The following RGS6 variants were observed in gnomAD, a reference collection of about 807,000 sequenced individuals.
RGS6 encodes regulator of G-protein signaling 6.
RGS6 carries 30 observed loss-of-function variants against 78.5 expected under a neutral mutation model. The observed-to-expected ratio is 0.38, with a 90% confidence interval of 0.29 to 0.52. The LOEUF (loss-of-function observed/expected upper bound fraction) is 0.52, where lower values mean the gene tolerates loss of function less well. Ranked by LOEUF, RGS6 falls within the 20% of genes least tolerant of loss-of-function variation. The pLI is 0.85. For synonymous variants in RGS6, 206 were observed against 206.0 expected (o/e 1.00, Z 0.00); for missense variants, 495 against 609.7 (o/e 0.81, Z 1.98).
At chr14:72,424,329 A>G (rs1424550619) in intron 3 of RGS6, among the ~76,000 whole-genome samples, 5 of 152,226 alleles carry the variant, frequency 3.3e-5, no homozygotes, top group Non-Finnish European at 7.3e-5. Context: ...TCACTTAAAA[A>G]GAAAAATGCA....
At chr14:72,550,562 G>T (rs1430371028) in intron 17 of RGS6, 1 of 1,535,446 alleles carries the variant, frequency 6.5e-7, no homozygotes, top group Non-Finnish European at 8.7e-7. Context: ...ACCCAACCTT[G>T]TAATCTTCTG....
intron 2 of RGS6, among the ~76,000 whole-genome samples, chr14:72,089,994 C>T: frequency 6.6e-6 from 1 of 151,234 alleles, no homozygotes; most frequent in East Asian, 2.0e-4. Flanking sequence ...CGTTGTAAGA[C>T]ATCAGGTAAA....
Position 72,320,465 on chromosome 14 carries a change from C to T in RGS6, c.85-31630C>T, listed in dbSNP as rs535300872. ...TGGTGGCGGGCACCTGTAGTCCCAG[C>T]TACTTGGGAGGCTGAGGCAGGAGAA... On this transcript the variant is annotated intron_variant, in intron 2 of 17. Coordinates refer to ENST00000553525, the MANE Select transcript of RGS6 (RefSeq NM_001204424.2). Among the ~76,000 whole-genome samples, 120 of 152,120 alleles carry T rather than the reference C, an allele frequency of 7.9e-4. 1 individual carries two copies. Among genetic ancestry groups the T allele is most frequent in the African/African-American group, 2.7e-3 (113 of 41,512 alleles).
At chr14:72,156,450 T>A (rs1246752377) in intron 2 of RGS6, among the ~76,000 whole-genome samples, 4 of 39,980 alleles carry the variant, frequency 1.0e-4, no homozygotes, top group East Asian at 5.4e-4. Context: ...TGAGACTCCA[T>A]CTCAAAAAAA....
chr14:72,400,803 C>G (rs1248050646), intron 3 of RGS6, among the ~76,000 whole-genome samples: 2 of 152,208 alleles, frequency 1.3e-5, no homozygotes, highest in African/African-American at 4.8e-5. Flanking sequence ...ACCTTCTTAT[C>G]TCTGATCCTC....
chr14:71,875,478 ATC>A, the RGS6 span, among the ~76,000 whole-genome samples: 1 of 152,132 alleles, frequency 6.6e-6, no homozygotes, highest in Non-Finnish European at 1.5e-5. Flanking sequence ...TTTCTGTGGG[ATC>A]GGTGATGATA....
chr14:72,284,187 T>A (rs1443520619), intron 2 of RGS6, among the ~76,000 whole-genome samples: 1 of 152,220 alleles, frequency 6.6e-6, no homozygotes, highest in Non-Finnish European at 1.5e-5. Flanking sequence ...TGCAGCCTGA[T>A]GACGCAGTAG....
At chr14:71,894,493 C>G in the RGS6 span, among the ~76,000 whole-genome samples, 1 of 152,168 alleles carries the variant, frequency 6.6e-6, no homozygotes, top group African/African-American at 2.4e-5. Context: ...CTTTCGGGAA[C>G]ACCCTACTCT....
intron 2 of RGS6, among the ~76,000 whole-genome samples, chr14:72,189,546 A>G (rs1270859892): frequency 1.3e-5 from 2 of 152,266 alleles, no homozygotes; most frequent in East Asian, 1.9e-4. Flanking sequence ...GCCGCCAGAC[A>G]CTCATTGAAA....
chr14:72,073,858 A>C (rs1471778950), intron 2 of RGS6, among the ~76,000 whole-genome samples: 2 of 152,226 alleles, frequency 1.3e-5, no homozygotes. Context: ...TTTTAAGTAG[A>C]CTAAGAAAAA....
intron 2 of RGS6, among the ~76,000 whole-genome samples, chr14:72,026,117 C>A (rs1475152553): frequency 6.6e-6 from 1 of 152,012 alleles, no homozygotes; most frequent in African/African-American, 2.4e-5. Flanking sequence ...TAATAAGTAG[C>A]CATCAGGGGC....
At chr14:72,198,476 G>A (rs189820453) in intron 2 of RGS6, among the ~76,000 whole-genome samples, 1 of 152,350 alleles carries the variant, frequency 6.6e-6, no homozygotes, top group East Asian at 1.9e-4. Flanking sequence ...CATTTTAGTT[G>A]TACTATTCTA....
chr14:71,908,493 A>T, the RGS6 span: 1 of 152,234 alleles, frequency 6.6e-6, no homozygotes, highest in Non-Finnish European at 1.5e-5. Context: ...GGTTCTTTGA[A>T]GATAAAATTA....
chr14:72,019,833 C>T (rs572675770), intron 2 of RGS6, among the ~76,000 whole-genome samples: 99 of 152,258 alleles, frequency 6.5e-4, no homozygotes, highest in Middle Eastern at 3.4e-3. Flanking sequence ...CCACAGCTCA[C>T]CCTTGTTTGT....
At chr14:72,155,652 C>T (rs1029591186) in intron 2 of RGS6, among the ~76,000 whole-genome samples, 1 of 152,178 alleles carries the variant, frequency 6.6e-6, no homozygotes, top group Admixed American at 6.5e-5. Context: ...TTTCTGATTA[C>T]CAATTATGAT....
At chr14:72,215,926 G>A (rs1408183395) in intron 2 of RGS6, among the ~76,000 whole-genome samples, 1 of 152,114 alleles carries the variant, frequency 6.6e-6, no homozygotes, top group East Asian at 1.9e-4. Flanking sequence ...AATTAGATGG[G>A]GAGGAAAGTC....
chr14:71,936,931 T>C (rs1045528865), intron 1 of RGS6, among the ~76,000 whole-genome samples: 4 of 152,230 alleles, frequency 2.6e-5, no homozygotes, highest in African/African-American at 9.6e-5. Flanking sequence ...CTCAGCAGGT[T>C]CTTTTCCCTG....
intron 2 of RGS6, among the ~76,000 whole-genome samples, chr14:72,185,473 A>G (rs546196542): frequency 2.0e-5 from 3 of 152,358 alleles, no homozygotes; most frequent in South Asian, 2.1e-4. Context: ...AGTAATGGTT[A>G]TATCCAAGTC....
At chr14:72,015,236 A>G (rs1383254330) in intron 2 of RGS6, among the ~76,000 whole-genome samples, 2 of 152,162 alleles carry the variant, frequency 1.3e-5, no homozygotes, top group East Asian at 1.9e-4. Flanking sequence ...AGAAAGAGAG[A>G]GAAAGGGAGG....
Sources: gnomAD v4.1 joint callset for allele counts (sites outside exome capture counted in the v4.1 genomes callset) on GRCh38, gnomAD v4.1.1 for gene constraint, MANE v1.5 for transcripts, NCBI Gene and HGNC (gene_info 2026-07-23, HGNC 2026-07-21) for gene names.